The following MSL1 variants were observed in gnomAD, a reference collection of about 807,000 sequenced individuals.
The protein encoded by MSL1 is MSL complex subunit 1.
In MSL1, 21 loss-of-function variants were observed where a neutral mutation model predicts 64.6. The observed-to-expected ratio is 0.33, with a 90% CI of 0.23 to 0.47. The LOEUF (loss-of-function observed/expected upper bound fraction) is 0.47. Among genes scored for constraint, MSL1 ranks in the 20% least tolerant of loss-of-function variants. MSL1 has a pLI of 1.00. For synonymous variants in MSL1, 339 were observed against 329.6 expected (o/e 1.03, Z -0.31); for missense variants, 664 against 793.2 (o/e 0.84, Z 1.96).
rs1049926986 is a variant in MSL1 at position 40,131,413 on chromosome 17, A to C, written c.1376-124A>C. 1.3e-6 allele frequency: 1 copy of C among 795,444 alleles called. No homozygotes were observed. The highest frequency in any genetic ancestry group is 2.1e-6 in the Non-Finnish European group (1 of 477,248). The allele number at this position is 795,444 out of a possible 1,614,324, so 49.3% of individuals were successfully genotyped here. ...CCTCCCCCAGAGAGAAATTCTCAAA[A>C]GAACAACTCAAAAAACAAAATGGCT... On this transcript the variant is annotated intron_variant, in intron 3 of 8. Coordinates refer to ENST00000398532, the MANE Select transcript of MSL1 (RefSeq NM_001365919.1). The surrounding 1 kb of genome is among the most constrained non-coding windows in gnomAD (Gnocchi z 4.5).
At chr17:40,133,010 A>G (rs1988470936) in intron 5 of MSL1, 32 bp from the exon 6 acceptor site, 1 of 1,590,606 alleles carries the variant, frequency 6.3e-7, no homozygotes, top group African/African-American at 1.3e-5. Context: ...ATATGGTGAT[A>G]AATAGCTTAT....
chr17:40,122,134 G>C lies in MSL1; in HGVS notation c.-479G>C, dbSNP rs1988183710. On this transcript the variant is annotated 5_prime_UTR_variant, in exon 1 of 9. Transcript: ENST00000398532. This position sits in a 1 kb window ranked among gnomAD's most constrained non-coding sequence, Gnocchi z 4.2. ...AGACCCCCTCTCCCGGAGTAGGAGGGCTTTGGGCGGACCCAGCCCTCCACC... is the reference window on the plus strand; with the variant it reads ...AGACCCCCTCTCCCGGAGTAGGAGGCCTTTGGGCGGACCCAGCCCTCCACC... Among the ~76,000 whole-genome samples, 1 of 151,364 alleles carries C rather than the reference G, an allele frequency of 6.6e-6. No homozygotes were observed. The highest frequency in any genetic ancestry group is 2.1e-4 in the South Asian group (1 of 4,812).
At chr17:40,124,367 TTCTCTC>T (rs142784983) in intron 1 of MSL1, among the ~76,000 whole-genome samples, 4 of 149,176 alleles carry the variant, frequency 2.7e-5, no homozygotes, top group South Asian at 2.1e-4. Context: ...CTCTTTCCCT[TTCTCTC>T]TCTCTCTCTC....
chr17:40,133,982 A>G, intron 8 of MSL1, 83 bp downstream of exon 8: 2 of 1,302,608 alleles, frequency 1.5e-6, no homozygotes, highest in African/African-American at 2.9e-5. Flanking sequence ...ATGAGGTGGA[A>G]CCAGGTGGCT....
chr17:40,133,049 A>G lies in MSL1; in HGVS notation c.1496A>G (p.Asp499Gly). 1 of 1,610,906 alleles carries G rather than the reference A, an allele frequency of 6.2e-7. No individual in the cohort carries two copies. The highest frequency in any genetic ancestry group is 8.5e-7 in the Non-Finnish European group (1 of 1,178,572). ...CTGCTTTTCTTTACACAGAACCTGG[A>G]TGACAGTGTGTTTTCGAAGCGGCAT... ...PNPSDLLENL[D>G]DSVFSKRHAK... The change falls in exon 6 of 9, where the codon GAT becomes GGT. Residue 499 changes from aspartate (D) to glycine (G), a missense_variant. Physicochemically the swap from Asp to Gly is moderately conservative, Grantham distance 94. Transcript: ENST00000398532.
In MSL1 at chr17:40,122,514, G is replaced by A. The variant is rs1004841506; in HGVS notation, c.-99G>A. On this transcript the variant is annotated 5_prime_UTR_variant, in exon 1 of 9. Coordinates refer to ENST00000398532, the MANE Select transcript of MSL1 (RefSeq NM_001365919.1). This position sits in a 1 kb window ranked among gnomAD's most constrained non-coding sequence, Gnocchi z 4.2. ...GCTGCCGCGCTGCTGAGGCGAGCCC[G>A]CCAAACTCCCCTCCCCCCCCTCAGT... is the stretch of plus-strand genomic sequence containing the variant. 3 of 886,336 alleles carry A rather than the reference G, an allele frequency of 3.4e-6. No individual in the cohort carries two copies. The Admixed American group carries it at 1.3e-4, about 38-fold the overall frequency. 54.9% of individuals were successfully genotyped at this position (886,336 alleles called of 1,614,324 possible).
intron 2 of MSL1, among the ~76,000 whole-genome samples, chr17:40,128,493 G>C (rs1988371764): frequency 2.0e-5 from 3 of 149,400 alleles, no homozygotes; most frequent in South Asian, 4.2e-4. Context: ...TCCTGCCTCA[G>C]CCTCTCAAGT....
chr17:40,134,338 A>C lies in MSL1; in HGVS notation c.1814A>C (p.Lys605Thr), dbSNP rs1458016274. Residue 605 changes from lysine to threonine, a missense_variant, in exon 9 of 9, where the codon AAG becomes ACG. Transcript: ENST00000398532. Reference protein sequence around the residue: ...RSRCRLEIQKKQTPHRTCRK With the variant: ...RSRCRLEIQKTQTPHRTCRK ...CGATGCAGATTGGAGATCCAGAAGA[A>C]GCAAACACCTCACCGGACGTGTAGG... is the stretch of plus-strand genomic sequence containing the variant. 6.4e-7 allele frequency: 1 copy of C among 1,557,260 alleles called. No homozygotes were observed. The highest frequency in any genetic ancestry group is 8.7e-7 in the Non-Finnish European group (1 of 1,149,978).
intron 2 of MSL1, 168 bp downstream of exon 2, chr17:40,126,574 C>G: frequency 1.6e-6 from 1 of 631,526 alleles, no homozygotes; most frequent in Non-Finnish European, 2.8e-6. Flanking sequence ...TTTGGGAGGC[C>G]AAGGCGGGTG....
intron 6 of MSL1, 31 bp downstream of exon 6, chr17:40,133,140 A>G (rs370641107): frequency 2.5e-5 from 39 of 1,580,528 alleles, no homozygotes; most frequent in Non-Finnish European, 3.0e-5. Context: ...CCTGGAAACA[A>G]CTGAGCCCTA....
At position 40,128,536 on chromosome 17, in the gene MSL1, G is replaced by A. The variant is rs568199596; in HGVS notation, c.993-709G>A. 4.0e-5 allele frequency among the ~76,000 whole-genome samples: 6 copies of A among 151,114 alleles called. No homozygotes were observed. The South Asian group carries it at 1.0e-3, about 26-fold the overall frequency. ...ATTACAGGCATGTGCCACCACGCCT[G>A]ACTAATTTTTGTATTTTTTTTTTTT... On this transcript the variant is annotated intron_variant, in intron 2 of 8. Coordinates refer to ENST00000398532, the MANE Select transcript of MSL1 (RefSeq NM_001365919.1).
Position 40,134,969 on chromosome 17 carries a change from G to C in MSL1, c.*600G>C, listed in dbSNP as rs1988512963. ...TCATTTGAAACTATTCTGTGATACA[G>C]TCATGTGGGAAGGGATGTTTGGCTG... is the stretch of plus-strand genomic sequence containing the variant. On this transcript the variant is annotated 3_prime_UTR_variant, in exon 9 of 9. Transcript: ENST00000398532. 6.6e-6 allele frequency: 1 copy of C among 152,382 alleles called. No individual in the cohort carries two copies. Among genetic ancestry groups the C allele is most frequent in the Non-Finnish European group, 1.5e-5 (1 of 68,068 alleles). The allele number at this position is 152,382 out of a possible 1,614,324, so 9.4% of individuals were successfully genotyped here.
Position 40,131,602 on chromosome 17 carries a change from T to C in MSL1, c.1423+18T>C. The C allele has an allele frequency of 6.2e-7, 1 of 1,613,064 alleles. No homozygotes were observed. Among genetic ancestry groups the C allele is most frequent in the Non-Finnish European group, 8.5e-7 (1 of 1,179,180 alleles). ...CTTGGCTGGTGAGTAGAATAGGAAT[T>C]GTGCTGGCTGGGCCTGGGGTGGGGG... On this transcript the variant is annotated intron_variant, in intron 4 of 8. Transcript: ENST00000398532. This position sits in a 1 kb window ranked among gnomAD's most constrained non-coding sequence, Gnocchi z 4.5.
chr17:40,134,020 A>C lies in MSL1; in HGVS notation c.1754+121A>C, dbSNP rs549926783. The stretch of plus-strand genomic sequence containing the variant: ...GGGATAGCCATGGGTCTTTGACAGA[A>C]ATGAGGCTACCTGGGCAACTAGCTT... On this transcript the variant is annotated intron_variant, in intron 8 of 8. Transcript: ENST00000398532. 11 of 885,432 alleles carry C rather than the reference A, an allele frequency of 1.2e-5. No individual in the cohort carries two copies. In the South Asian group the frequency reaches 1.6e-4, roughly 13 times the overall value. 54.8% of individuals were successfully genotyped at this position (885,432 alleles called of 1,614,324 possible).
At chr17:40,124,339 C>G (rs1988264187) in intron 1 of MSL1, among the ~76,000 whole-genome samples, 2 of 151,998 alleles carry the variant, frequency 1.3e-5, no homozygotes. Flanking sequence ...CTCTCCCTCC[C>G]TCTTCCTCCC....
chr17:40,131,644 T>C lies in MSL1; in HGVS notation c.1423+60T>C. ...GGGTGGGGGTTGGTGGGATGGTGGA[T>C]GGTTGGGAGCTGCATTCCCCATCCA... On this transcript the variant is annotated intron_variant, in intron 4 of 8. Coordinates refer to ENST00000398532, the MANE Select transcript of MSL1 (RefSeq NM_001365919.1). This position sits in a 1 kb window ranked among gnomAD's most constrained non-coding sequence, Gnocchi z 4.5. 2.0e-6 allele frequency: 3 copies of C among 1,474,574 alleles called. No individual in the cohort carries two copies. Among genetic ancestry groups the C allele is most frequent in the Non-Finnish European group, 1.9e-6 (2 of 1,053,126 alleles). 91.3% of individuals were successfully genotyped at this position (1,474,574 alleles called of 1,614,324 possible). A position where few individuals can be genotyped will look rare whatever the true frequency, so the allele number is the denominator to read the frequency against.
intron 3 of MSL1, chr17:40,129,892 TGGG>T: frequency 2.5e-6 from 1 of 405,142 alleles, no homozygotes; most frequent in Non-Finnish European, 4.4e-6. Flanking sequence ...GCACCAGACT[TGGG>T]GGTGTAATCT....
rs1481301838 is a variant in MSL1, at chr17:40,136,467, TAC to T, written c.*2100_*2101del. The T allele has an allele frequency of 6.6e-6, 1 of 152,356 alleles. No individual in the cohort carries two copies. The highest frequency in any genetic ancestry group is 1.5e-5 in the Non-Finnish European group (1 of 68,040). The allele number at this position is 152,356 out of a possible 1,614,324, so 9.4% of individuals were successfully genotyped here. A position where few individuals can be genotyped will look rare whatever the true frequency, so the allele number is the denominator to read the frequency against. ...ATTAGCAAAGTTCCAAGTGCAAAAT[TAC>T]AGTGTGTTAGAGTGTGGGGGGAAAA... is the stretch of plus-strand genomic sequence containing the variant. On this transcript the variant is annotated 3_prime_UTR_variant, in exon 9 of 9. Coordinates refer to ENST00000398532, the MANE Select transcript of MSL1 (RefSeq NM_001365919.1).
chr17:40,126,421 T>C lies in MSL1; in HGVS notation c.992+15T>C. 6.2e-7 allele frequency: 1 copy of C among 1,607,376 alleles called. No homozygotes were observed. The highest frequency in any genetic ancestry group is 8.5e-7 in the Non-Finnish European group (1 of 1,174,170). ...GGACATAAAAGGTGTGCTGATAACT[T>C]TGTTTGATGAGGACCCTTGTTACCA... On this transcript the variant is annotated intron_variant, in intron 2 of 8. Coordinates refer to ENST00000398532, the MANE Select transcript of MSL1 (RefSeq NM_001365919.1).
Sources: gnomAD v4.1 joint callset for allele counts (sites outside exome capture counted in the v4.1 genomes callset) on GRCh38, gnomAD v4.1.1 for gene constraint, Gnocchi (gnomAD v3.1) non-coding constraint, MANE v1.5 for transcripts, NCBI Gene and HGNC (gene_info 2026-07-23, HGNC 2026-07-21) for gene names.